Variants in TAFA1 observed in about 807,000 individuals in gnomAD.
The protein encoded by TAFA1 is chemokine-like protein TAFA-1.
Under a neutral mutation model 18.5 loss-of-function variants are expected in TAFA1, and 4 were observed. That is an observed-to-expected ratio of 0.22 (90% CI 0.11 to 0.49). The LOEUF (loss-of-function observed/expected upper bound fraction) is 0.49. TAFA1 is among the 20% of genes least tolerant of loss of function. The pLI is 0.98. For missense variants in TAFA1, 147 were observed against 169.0 expected, an observed-to-expected ratio of 0.87 and a Z score of 0.72; for synonymous variants, 56 against 55.2, an observed-to-expected ratio of 1.01 and a Z score of -0.06.
chr3:68,111,780 AAG>A (rs71112608), intron 2 of TAFA1, among the ~76,000 whole-genome samples: 10 of 146,030 alleles, frequency 6.8e-5, no homozygotes, highest in African/African-American at 1.9e-4. Context: ...ACACATGAGA[AAG>A]AGAGAGAGAG....
At chr3:68,350,173 C>T (rs2069240436) in intron 2 of TAFA1, among the ~76,000 whole-genome samples, 1 of 152,126 alleles carries the variant, frequency 6.6e-6, no homozygotes, top group African/African-American at 2.4e-5. Flanking sequence ...TACTCAGCGC[C>T]TCAATCGGCT....
At chr3:68,189,098 A>G (rs1575669337) in intron 2 of TAFA1, among the ~76,000 whole-genome samples, 3 of 151,914 alleles carry the variant, frequency 2.0e-5, no homozygotes, top group African/African-American at 7.2e-5. Flanking sequence ...AGGTAAAATC[A>G]TAGAGTGGAA....
intron 3 of TAFA1, among the ~76,000 whole-genome samples, chr3:68,515,814 A>T (rs892210444): frequency 6.6e-6 from 1 of 152,156 alleles, no homozygotes; most frequent in African/African-American, 2.4e-5. Flanking sequence ...AGTGCTATAC[A>T]CTTAGGGTTT....
At chr3:68,486,893 T>C (rs544498556) in intron 3 of TAFA1, among the ~76,000 whole-genome samples, 1 of 152,354 alleles carries the variant, frequency 6.6e-6, no homozygotes, top group Middle Eastern at 3.4e-3. Flanking sequence ...TATGTGTTAT[T>C]GGTATGCTCA....
At chr3:68,363,352 C>T (rs570568470) in intron 2 of TAFA1, among the ~76,000 whole-genome samples, 2 of 152,264 alleles carry the variant, frequency 1.3e-5, no homozygotes, top group Admixed American at 1.3e-4. Flanking sequence ...ACCTTTCTGT[C>T]CTCTGTGCTA....
intron 2 of TAFA1, among the ~76,000 whole-genome samples, chr3:68,074,712 G>A (rs945945081): frequency 6.6e-6 from 1 of 152,162 alleles, no homozygotes; most frequent in Non-Finnish European, 1.5e-5. Flanking sequence ...TTATGGCAGA[G>A]CTGAAATTCA....
intron 2 of TAFA1, among the ~76,000 whole-genome samples, chr3:68,309,585 C>T (rs1419054390): frequency 6.6e-6 from 1 of 152,184 alleles, no homozygotes; most frequent in East Asian, 1.9e-4. Flanking sequence ...TACCTACTAG[C>T]ACTTTTCTAT....
intron 2 of TAFA1, among the ~76,000 whole-genome samples, chr3:68,132,625 A>G (rs1308720353): frequency 6.6e-6 from 1 of 152,212 alleles, no homozygotes; most frequent in Non-Finnish European, 1.5e-5. Context: ...TCTTATGACC[A>G]GTGATGATGA....
intron 2 of TAFA1, among the ~76,000 whole-genome samples, chr3:68,410,536 G>A (rs2070695004): frequency 6.6e-6 from 1 of 151,760 alleles, no homozygotes; most frequent in Non-Finnish European, 1.5e-5. Context: ...CAGATTAACT[G>A]ATAACAGAAA....
intron 2 of TAFA1, among the ~76,000 whole-genome samples, chr3:68,406,902 T>TG (rs755342208): frequency 1.2e-4 from 18 of 152,178 alleles, no homozygotes; most frequent in South Asian, 4.1e-4. Flanking sequence ...TGTATTTCCG[T>TG]GGGGGTAGAC....
At chr3:68,245,195 T>C (rs956021330) in intron 2 of TAFA1, among the ~76,000 whole-genome samples, 1 of 152,346 alleles carries the variant, frequency 6.6e-6, no homozygotes, top group African/African-American at 2.4e-5. Flanking sequence ...AAAATGGTAG[T>C]CTTCATCCTG....
In TAFA1 at chr3:68,012,965, G is replaced by A. The variant is rs139949584; in HGVS notation, c.118+6221G>A. ...TTGCAGTGCTTGTAAGTATATGAAA[G>A]TTCTGGAAAGATTTGCGTGTAAGAA... On this transcript the variant is annotated intron_variant, in intron 2 of 4. Coordinates refer to ENST00000478136, the MANE Select transcript of TAFA1 (RefSeq NM_213609.4). Among the ~76,000 whole-genome samples the A allele has an allele frequency of 7.3e-3, 1,114 of 152,222 alleles. 13 individuals are homozygous for A. The highest frequency in any genetic ancestry group is 0.026 in the African/African-American group (1,068 of 41,544).
chr3:68,294,908 T>C (rs1172192191), intron 2 of TAFA1, among the ~76,000 whole-genome samples: 4 of 152,120 alleles, frequency 2.6e-5, no homozygotes, highest in African/African-American at 9.7e-5. Flanking sequence ...ACTTCTTGAA[T>C]CACACAGCCA....
chr3:68,001,086 A>G (rs749690726), upstream of TAFA1, among the ~76,000 whole-genome samples: 1 of 152,200 alleles, frequency 6.6e-6, no homozygotes, highest in African/African-American at 2.4e-5. Flanking sequence ...CTTGCAAAAA[A>G]AAGAGACTAC....
chr3:68,058,519 T>C (rs940578479), intron 2 of TAFA1, among the ~76,000 whole-genome samples: 41 of 152,172 alleles, frequency 2.7e-4, no homozygotes, highest in Non-Finnish European at 8.8e-5. Context: ...CATAGAGTCC[T>C]GGGGAGGATA....
chr3:68,357,872 T>C (rs1371920009), intron 2 of TAFA1, among the ~76,000 whole-genome samples: 1 of 151,914 alleles, frequency 6.6e-6, no homozygotes, highest in Non-Finnish European at 1.5e-5. Context: ...AGATTTGGGA[T>C]CTTGGAAATT....
intron 3 of TAFA1, among the ~76,000 whole-genome samples, chr3:68,497,939 C>A (rs951239425): frequency 6.6e-5 from 10 of 152,128 alleles, no homozygotes; most frequent in Non-Finnish European, 1.3e-4. Context: ...TTATCTCCAC[C>A]TGGTAACCCA....
intron 3 of TAFA1, among the ~76,000 whole-genome samples, chr3:68,464,477 G>A (rs2071845325): frequency 1.3e-5 from 2 of 152,094 alleles, no homozygotes; most frequent in Admixed American, 6.6e-5. Flanking sequence ...ATGACAGCAG[G>A]TTCAGAATCT....
intron 2 of TAFA1, among the ~76,000 whole-genome samples, chr3:68,095,954 G>A (rs557018084): frequency 2.6e-5 from 4 of 151,902 alleles, no homozygotes; most frequent in African/African-American, 7.3e-5. Flanking sequence ...TCTATGTGTC[G>A]GGAACATTTC....
Sources: gnomAD v4.1 joint callset for allele counts (sites outside exome capture counted in the v4.1 genomes callset) on GRCh38, gnomAD v4.1.1 for gene constraint, MANE v1.5 for transcripts, NCBI Gene and HGNC (gene_info 2026-07-23, HGNC 2026-07-21) for gene names.